The following MARK1 variants were observed in gnomAD, a reference collection of about 807,000 sequenced individuals.
MARK1 encodes the protein serine/threonine-protein kinase MARK1.
Under a neutral mutation model 96.3 loss-of-function variants are expected in MARK1, and 40 were observed. The ratio of observed to expected loss-of-function variants is 0.42; its 90% CI spans 0.32 to 0.54. MARK1 has a LOEUF of 0.54. Ranked by LOEUF, MARK1 falls within the 20% of genes least tolerant of loss-of-function variation. MARK1 has a pLI of 0.16. For missense variants in MARK1, 719 were observed against 984.6 expected, an observed-to-expected ratio of 0.73 and a Z score of 3.61; for synonymous variants, 317 against 341.2, an observed-to-expected ratio of 0.93 and a Z score of 0.78.
chr1:220,583,324 G>C lies in MARK1; in HGVS notation c.309+2206G>C, dbSNP rs1383849482. 3.3e-5 allele frequency among the ~76,000 whole-genome samples: 5 copies of C among 152,104 alleles called. No homozygotes were observed. The East Asian group carries it at 9.6e-4, about 29-fold the overall frequency. On this transcript the variant is annotated intron_variant, in intron 3 of 17. Coordinates refer to ENST00000366917, the MANE Select transcript of MARK1 (RefSeq NM_018650.5). ...GTATCAGATATTTATAGGAATTACTGCCTTCCTTTGCAAACATCAATGATA... is the reference window on the plus strand; with the variant it reads ...GTATCAGATATTTATAGGAATTACTCCCTTCCTTTGCAAACATCAATGATA...
chr1:220,618,879 G>A lies in MARK1; in HGVS notation c.909+124G>A, dbSNP rs1666904200. The A allele has an allele frequency of 3.8e-6, 3 of 795,392 alleles. No homozygotes were observed. The highest frequency in any genetic ancestry group is 3.8e-6 in the Non-Finnish European group (2 of 532,040). 49.3% of individuals were successfully genotyped at this position (795,392 alleles called of 1,614,324 possible). A position where few individuals can be genotyped will look rare whatever the true frequency, so the allele number is the denominator to read the frequency against. On this transcript the variant is annotated intron_variant, in intron 9 of 17. Coordinates refer to ENST00000366917, the MANE Select transcript of MARK1 (RefSeq NM_018650.5). The surrounding 1 kb of genome is among the most constrained non-coding windows in gnomAD (Gnocchi z 4.6). ...AAATTATCTAATCTGCCTTTTGTTT[G>A]TAGGTAGGGAAAATTACATGACTTT...
intron 13 of MARK1, among the ~76,000 whole-genome samples, chr1:220,642,038 T>C (rs1388379886): frequency 6.6e-6 from 1 of 150,562 alleles, no homozygotes; most frequent in African/African-American, 2.4e-5. Context: ...ACTGCAGGAG[T>C]TTTTACATAA....
At chr1:220,637,609 G>A (rs546465981) in intron 13 of MARK1, among the ~76,000 whole-genome samples, 1 of 152,254 alleles carries the variant, frequency 6.6e-6, no homozygotes, top group South Asian at 2.1e-4. Flanking sequence ...AACCTGGGAG[G>A]CAGAGGTTGC....
At chr1:220,642,174 A>G (rs1331544186) in intron 13 of MARK1, among the ~76,000 whole-genome samples, 1 of 152,204 alleles carries the variant, frequency 6.6e-6, no homozygotes, top group East Asian at 1.9e-4. Flanking sequence ...CCGCAAGCTA[A>G]GAGCCACTGA....
At chr1:220,544,522 G>A (rs904534859) in intron 1 of MARK1, among the ~76,000 whole-genome samples, 3 of 152,160 alleles carry the variant, frequency 2.0e-5, no homozygotes, top group African/African-American at 7.2e-5. Flanking sequence ...GTCACGAGAT[G>A]CCAGCCCCTT....
chr1:220,661,276 A>G (rs1436754919), intron 17 of MARK1, among the ~76,000 whole-genome samples: 1 of 152,202 alleles, frequency 6.6e-6, no homozygotes, highest in African/African-American at 2.4e-5. Flanking sequence ...TGAAATGAGA[A>G]GTCACTGGAG....
At chr1:220,561,048 G>A (rs575619596) in intron 1 of MARK1, among the ~76,000 whole-genome samples, 23 of 152,180 alleles carry the variant, frequency 1.5e-4, no homozygotes, top group African/African-American at 5.3e-4. Flanking sequence ...GTGGAAAGCA[G>A]GGAAGTTAGG....
chr1:220,530,527 A>G (rs1329962986), intron 1 of MARK1, among the ~76,000 whole-genome samples: 1 of 152,208 alleles, frequency 6.6e-6, no homozygotes, highest in African/African-American at 2.4e-5. Context: ...GAGTGGAAAA[A>G]TACATTGTTT....
At chr1:220,562,450 A>G (rs1364999218) in intron 1 of MARK1, among the ~76,000 whole-genome samples, 1 of 152,184 alleles carries the variant, frequency 6.6e-6, no homozygotes, top group East Asian at 1.9e-4. Context: ...AGCCTAGGTG[A>G]CAGAGCGAGA....
At chr1:220,644,183 C>T (rs1211291628) in intron 13 of MARK1, among the ~76,000 whole-genome samples, 1 of 152,040 alleles carries the variant, frequency 6.6e-6, no homozygotes, top group Non-Finnish European at 1.5e-5. Context: ...ATCTCATGTG[C>T]AGAGACACAC....
chr1:220,653,325 G>A lies in MARK1; in HGVS notation c.1961G>A (p.Ser654Asn). Residue 654 changes from serine to asparagine, a missense_variant, in exon 16 of 18, where the codon AGC becomes AAC. Ser to Asn is a conservative substitution (Grantham distance 46). Coordinates refer to ENST00000366917, the MANE Select transcript of MARK1 (RefSeq NM_018650.5). ...AGGGGAACGTCAACTGGTATAATAA[G>A]CAAAATCACATCCAAATTTGTTCGC... Reference protein sequence around the residue: ...ARRGTSTGIISKITSKFVRRD... With the variant: ...ARRGTSTGIINKITSKFVRRD... The A allele has an allele frequency of 6.2e-7, 1 of 1,614,182 alleles. No individual in the cohort carries two copies. Among genetic ancestry groups the A allele is most frequent in the African/African-American group, 1.3e-5 (1 of 75,044 alleles).
chr1:220,639,616 C>A lies in MARK1; in HGVS notation c.1470+3590C>A, dbSNP rs953891995. On this transcript the variant is annotated intron_variant, in intron 13 of 17. Coordinates refer to ENST00000366917, the MANE Select transcript of MARK1 (RefSeq NM_018650.5). ...CTGGGTCTATGTGACTTCTTTTTAA[C>A]CTCAGTGGCAAAGAGGCAGGCTCCT... Among the ~76,000 whole-genome samples, 10 of 152,120 alleles carry A rather than the reference C, an allele frequency of 6.6e-5. 1 individual carries two copies. Among genetic ancestry groups the A allele is most frequent in the Admixed American group, 5.2e-4 (8 of 15,264 alleles).
In MARK1 at chr1:220,549,791, A is replaced by G. The variant is rs184720867; in HGVS notation, c.51+20918A>G. 8.9e-4 allele frequency among the ~76,000 whole-genome samples: 136 copies of G among 152,362 alleles called. 1 individual carries two copies. Among genetic ancestry groups the G allele is most frequent in the Admixed American group, 1.8e-3 (28 of 15,294 alleles). On this transcript the variant is annotated intron_variant, in intron 1 of 17. Coordinates refer to ENST00000366917, the MANE Select transcript of MARK1 (RefSeq NM_018650.5). ...TTTATCCCGAGCTCAGCCTTTTACAAGGTGTATTACATTGGGCATGTCTCC... is the reference window on the plus strand; with the variant it reads ...TTTATCCCGAGCTCAGCCTTTTACAGGGTGTATTACATTGGGCATGTCTCC...
chr1:220,658,180 C>G (rs916878506), intron 17 of MARK1, among the ~76,000 whole-genome samples: 15 of 152,142 alleles, frequency 9.9e-5, no homozygotes, highest in African/African-American at 3.6e-4. Context: ...GCACAAATAA[C>G]ACAGAACAGG....
chr1:220,533,004 CT>C (rs57552621), intron 1 of MARK1, among the ~76,000 whole-genome samples: 5 of 53,932 alleles, frequency 9.3e-5, no homozygotes, highest in African/African-American at 2.0e-4. Context: ...AGTGTGAACC[CT>C]TTTTTTTAAA....
intron 9 of MARK1, among the ~76,000 whole-genome samples, chr1:220,630,363 A>G (rs1667617699): frequency 6.6e-6 from 1 of 152,162 alleles, no homozygotes; most frequent in African/African-American, 2.4e-5. Flanking sequence ...CTCATCCAGT[A>G]TATGTTTTGC....
chr1:220,655,689 A>G (rs1669130937), intron 16 of MARK1, among the ~76,000 whole-genome samples: 1 of 152,074 alleles, frequency 6.6e-6, no homozygotes, highest in Admixed American at 6.6e-5. Flanking sequence ...TCACTTCCTC[A>G]TAGGTCTCCT....
intron 1 of MARK1, among the ~76,000 whole-genome samples, chr1:220,561,246 G>A (rs1283884235): frequency 1.3e-5 from 2 of 152,174 alleles, no homozygotes; most frequent in Non-Finnish European, 2.9e-5. Context: ...AAACACATGA[G>A]ATAAATGCTC....
At chr1:220,661,019 G>T (rs551085472) in intron 17 of MARK1, among the ~76,000 whole-genome samples, 3 of 152,186 alleles carry the variant, frequency 2.0e-5, no homozygotes, top group Admixed American at 6.5e-5. Context: ...TATGAGCAAA[G>T]ATTTGAAAAA....
Sources: allele counts gnomAD v4.1 joint callset (sites outside exome capture counted in the v4.1 genomes callset), GRCh38; gene constraint gnomAD v4.1.1; non-coding constraint Gnocchi (gnomAD v3.1); transcripts MANE v1.5; gene names NCBI Gene and HGNC (gene_info 2026-07-23, HGNC 2026-07-21).